ARHGAP23: variants seen among roughly 807,000 people sequenced by gnomAD.
ARHGAP23 encodes the protein rho GTPase-activating protein 23.
In ARHGAP23, 34 loss-of-function variants were observed where a neutral mutation model predicts 136.3. That is an observed-to-expected ratio of 0.25 (90% CI 0.19 to 0.33). ARHGAP23 has a LOEUF of 0.33. Among genes scored for constraint, ARHGAP23 ranks in the 10% least tolerant of loss-of-function variants. The probability of loss-of-function intolerance (pLI) is 1.00; values close to 1 mark genes in which losing one functional copy is unlikely to be tolerated. For missense variants in ARHGAP23, 1,808 were observed against 2,139.0 expected (o/e 0.85, Z 3.05); for synonymous variants, 832 against 920.5 (o/e 0.90, Z 1.74).
intron 2 of ARHGAP23, among the ~76,000 whole-genome samples, chr17:38,460,648 G>C (rs2039436969): frequency 6.6e-6 from 1 of 152,192 alleles, no homozygotes; most frequent in African/African-American, 2.4e-5. Flanking sequence ...CCCCAGGGAA[G>C]GGGTCTTGGG....
rs2040733564 is a variant in ARHGAP23, at chr17:38,510,461, G to C, written c.3965G>C (p.Arg1322Pro). The C allele has an allele frequency of 8.3e-7, 1 of 1,205,906 alleles. No homozygotes were observed. Among genetic ancestry groups the C allele is most frequent in the South Asian group, 4.1e-5 (1 of 24,184 alleles). The allele number at this position is 1,205,906 out of a possible 1,614,324, so 74.7% of individuals were successfully genotyped here. A position where few individuals can be genotyped will look rare whatever the true frequency, so the allele number is the denominator to read the frequency against. ...LMPCDTLARRRLARGRPDGEG... is the reference protein window; with the variant it reads ...LMPCDTLARRPLARGRPDGEG... ...CCCTGCGACACTCTGGCGCGCCGCCGCCTGGCCCGGGGCCGCCCAGACGGC... is the reference window on the plus strand; with the variant it reads ...CCCTGCGACACTCTGGCGCGCCGCCCCCTGGCCCGGGGCCGCCCAGACGGC... Residue 1322 changes from arginine to proline, a missense_variant, in exon 24 of 24, where the codon CGC becomes CCC. By Grantham distance (103) the Arg-to-Pro change is moderately radical (BLOSUM62 -2). Coordinates refer to ENST00000622683, the MANE Select transcript of ARHGAP23 (RefSeq NM_001199417.2). The surrounding 1 kb of genome is among the most constrained non-coding windows in gnomAD (Gnocchi z 4.6).
In ARHGAP23 at chr17:38,466,417, T is replaced by C. The variant is rs1204124349; in HGVS notation, c.734T>C (p.Leu245Ser). 1 of 1,529,904 alleles carries C rather than the reference T, an allele frequency of 6.5e-7. No individual in the cohort carries two copies. Among genetic ancestry groups the C allele is most frequent in the Admixed American group, 2.0e-5 (1 of 50,330 alleles). The allele number at this position is 1,529,904 out of a possible 1,614,324, so 94.8% of individuals were successfully genotyped here. ...CGTGCCCACCTGGACAACTCTTCCTTGGGGATGAGCCAGCCCCGCCCCAGC... is the reference window on the plus strand; with the variant it reads ...CGTGCCCACCTGGACAACTCTTCCTCGGGGATGAGCCAGCCCCGCCCCAGC... The part of the protein sequence containing the change: ...AARAHLDNSS[L>S]GMSQPRPSPG... Residue 245 changes from leucine (L) to serine (S), a missense_variant, in exon 7 of 24, where the codon TTG (leucine) becomes TCG (serine). Physicochemically the swap from Leu to Ser is moderately radical, Grantham distance 145 (BLOSUM62 -2). This residue lies in a region of ARHGAP23 where 859 missense variants were observed against 936.4 expected (regional missense o/e 0.92). Transcript: ENST00000622683.
chr17:38,493,823 A>T (rs757311591), intron 20 of ARHGAP23, among the ~76,000 whole-genome samples: 1 of 152,196 alleles, frequency 6.6e-6, no homozygotes, highest in Non-Finnish European at 1.5e-5. Flanking sequence ...GAGGAGAGCA[A>T]ACCTGGGTGT....
At chr17:38,419,491 G>A (rs1353640244) in intron 1 of ARHGAP23, 1 of 152,034 alleles carries the variant, frequency 6.6e-6, no homozygotes, top group Non-Finnish European at 1.5e-5. Context: ...CGAGCGCCGA[G>A]GGCCGCCACC....
chr17:38,493,481 C>T (rs1265308318), intron 20 of ARHGAP23, among the ~76,000 whole-genome samples: 1 of 152,096 alleles, frequency 6.6e-6, no homozygotes, highest in East Asian at 1.9e-4. Context: ...TGTGAGCCAT[C>T]ACGCCCAGCC....
At position 38,437,559 on chromosome 17, in the gene ARHGAP23, G is replaced by C. The variant is rs142472073; in HGVS notation, c.63+9011G>C. 2.2e-3 allele frequency among the ~76,000 whole-genome samples: 340 copies of C among 152,130 alleles called. 4 individuals carry two copies. Among genetic ancestry groups the C allele is most frequent in the African/African-American group, 8.0e-3 (334 of 41,512 alleles). On this transcript the variant is annotated intron_variant, in intron 1 of 23. Transcript: ENST00000622683. ...TTGGACTCAGGAGTTTGAGGCTACA[G>C]TGAGCTATGATTGCACTGCTGCACT...
chr17:38,502,515 C>T (rs1185774014), intron 23 of ARHGAP23, among the ~76,000 whole-genome samples: 2 of 152,170 alleles, frequency 1.3e-5, no homozygotes, highest in Non-Finnish European at 2.9e-5. Context: ...CAGATAGGTT[C>T]CTGCCCTCAC....
chr17:38,426,460 G>T (rs766330320), upstream of ARHGAP23, among the ~76,000 whole-genome samples: 32 of 146,220 alleles, frequency 2.2e-4, no homozygotes, highest in Non-Finnish European at 3.7e-4. Flanking sequence ...TGAGGCAGAA[G>T]AATAGCTTGA....
chr17:38,444,422 G>A (rs538423514), intron 1 of ARHGAP23, among the ~76,000 whole-genome samples: 65 of 152,290 alleles, frequency 4.3e-4, no homozygotes, highest in Non-Finnish European at 8.1e-4. Context: ...TTACAGGTGG[G>A]TGTGAGCGTG....
chr17:38,445,413 G>A (rs1450982439), intron 1 of ARHGAP23, among the ~76,000 whole-genome samples: 2 of 151,466 alleles, frequency 1.3e-5, no homozygotes, highest in African/African-American at 4.8e-5. Context: ...GGAGGCAGAG[G>A]TTGCAGTGAG....
chr17:38,474,830 TGA>T (rs1464344792), intron 11 of ARHGAP23, among the ~76,000 whole-genome samples: 4 of 152,054 alleles, frequency 2.6e-5, no homozygotes, highest in Admixed American at 1.3e-4. Flanking sequence ...GTGGGAGCCA[TGA>T]GGCAAGGAGG....
intron 2 of ARHGAP23, among the ~76,000 whole-genome samples, chr17:38,459,060 G>A (rs1056993630): frequency 6.6e-6 from 1 of 152,186 alleles, no homozygotes; most frequent in Non-Finnish European, 1.5e-5. Flanking sequence ...GCCCCAGGGA[G>A]CAACCAAAGC....
intron 23 of ARHGAP23, among the ~76,000 whole-genome samples, chr17:38,505,097 T>C (rs2040605029): frequency 6.9e-6 from 1 of 144,058 alleles, no homozygotes; most frequent in South Asian, 2.3e-4. Context: ...CTCTAACTGC[T>C]GTGCTCAAGT....
chr17:38,432,850 CA>C (rs1399710707), intron 1 of ARHGAP23, among the ~76,000 whole-genome samples: 2 of 152,142 alleles, frequency 1.3e-5, no homozygotes, highest in Admixed American at 6.5e-5. Context: ...CCAAACGAAA[CA>C]AAAAAGCTCT....
chr17:38,424,286 A>G (rs1167534856), upstream of ARHGAP23, among the ~76,000 whole-genome samples: 1 of 151,928 alleles, frequency 6.6e-6, no homozygotes, highest in Non-Finnish European at 1.5e-5. Context: ...CCTCAACCCA[A>G]CAGCCTGCTG....
chr17:38,490,245 G>A (rs1168349399), intron 18 of ARHGAP23, 70 bp downstream of exon 18: 7 of 1,467,294 alleles, frequency 4.8e-6, no homozygotes, highest in Non-Finnish European at 9.3e-7. Context: ...CCAGGAGGCA[G>A]GGAGTCCGGT....
chr17:38,471,312 C>T (rs1411916279), intron 10 of ARHGAP23, among the ~76,000 whole-genome samples: 4 of 152,206 alleles, frequency 2.6e-5, no homozygotes, highest in Non-Finnish European at 4.4e-5. Context: ...TGATGTCAAG[C>T]GCTCTGTCTC....
rs1353997108 is a variant in ARHGAP23 at position 38,489,985 on chromosome 17, G to A, written c.2987-117G>A. On this transcript the variant is annotated intron_variant, in intron 17 of 23. Coordinates refer to ENST00000622683, the MANE Select transcript of ARHGAP23 (RefSeq NM_001199417.2). The stretch of plus-strand genomic sequence containing the variant: ...ACATACACAAGAGGCTGTCGCCCAC[G>A]CTGGAGCCCCCGAACTGGAGGAGTT... The A allele has an allele frequency of 8.6e-6, 8 of 933,878 alleles. No homozygotes were observed. In the East Asian group the frequency reaches 1.6e-4, roughly 18 times the overall value. The allele number at this position is 933,878 out of a possible 1,614,324, so 57.8% of individuals were successfully genotyped here. A position where few individuals can be genotyped will look rare whatever the true frequency, so the allele number is the denominator to read the frequency against.
intron 22 of ARHGAP23, among the ~76,000 whole-genome samples, chr17:38,499,645 A>G (rs996729012): frequency 5.3e-5 from 8 of 152,086 alleles, no homozygotes; most frequent in African/African-American, 1.9e-4. Flanking sequence ...GAGGGACCCC[A>G]TGTCTCTTCT....
Sources: gnomAD v4.1 joint callset for allele counts (sites outside exome capture counted in the v4.1 genomes callset) on GRCh38, gnomAD v4.1.1 for gene constraint, gnomAD v4.1.1 regional missense constraint, Gnocchi (gnomAD v3.1) non-coding constraint, MANE v1.5 for transcripts, NCBI Gene and HGNC (gene_info 2026-07-23, HGNC 2026-07-21) for gene names.